The following HTT variants were observed in gnomAD, a reference collection of about 807,000 sequenced individuals.
The protein encoded by HTT is huntingtin, also known as huntington disease protein.
HTT carries 104 observed loss-of-function variants against 362.3 expected under a neutral mutation model. The observed-to-expected ratio is 0.29, with a 90% CI of 0.24 to 0.34. HTT has a LOEUF of 0.34. Ranked by LOEUF, HTT falls within the 10% of genes least tolerant of loss-of-function variation. The pLI, the probability that HTT is intolerant of heterozygous loss-of-function variation, is 1.00. For synonymous variants in HTT, 1,577 were observed against 1,548.7 expected (o/e 1.02, Z -0.43); for missense variants, 3,301 against 3,928.6 (o/e 0.84, Z 4.27).
At position 3,214,110 on chromosome 4, in the gene HTT, C is replaced by G; in HGVS notation, c.6927C>G (p.Tyr2309Ter). The G allele has an allele frequency of 2.6e-6, 4 of 1,550,472 alleles. No individual in the cohort carries two copies. Among genetic ancestry groups the G allele is most frequent in the Middle Eastern group, 3.4e-4 (2 of 5,870 alleles). Reference sequence around the variant, plus strand: ...TGACCCACGCCTGCTCCCTCATCTACTGTGTGCACTTCATCCTGGAGGCCG... The same window carrying G: ...TGACCCACGCCTGCTCCCTCATCTAGTGTGTGCACTTCATCCTGGAGGCCG... ...EFVTHACSLI[Y>*]CVHFILEAVA... The change falls in exon 50 of 67, where the codon TAC (tyrosine) becomes TAG (stop). Residue 2309 changes from tyrosine to a stop codon, truncating the protein, a stop_gained. Transcript: ENST00000355072. LOFTEE classifies it high-confidence loss of function.
intron 23 of HTT, among the ~76,000 whole-genome samples, chr4:3,143,161 G>C (rs1716427694): frequency 6.6e-6 from 1 of 152,086 alleles, no homozygotes; most frequent in Non-Finnish European, 1.5e-5. Context: ...AATAAGCCAG[G>C]CATGGTGGCT....
At chr4:3,221,194 T>C (rs976125539) in intron 53 of HTT, among the ~76,000 whole-genome samples, 1 of 152,142 alleles carries the variant, frequency 6.6e-6, no homozygotes, top group Non-Finnish European at 1.5e-5. Context: ...ATTTGAGGCT[T>C]GTTTGGATCC....
chr4:3,125,978 A>G (rs920441792), intron 11 of HTT, among the ~76,000 whole-genome samples: 2 of 152,142 alleles, frequency 1.3e-5, no homozygotes, highest in African/African-American at 4.8e-5. Context: ...AAATTATGGG[A>G]TGAAAAATTG....
chr4:3,214,282 C>A, intron 50 of HTT, 147 bp downstream of exon 50: 1 of 535,554 alleles, frequency 1.9e-6, no homozygotes, highest in Non-Finnish European at 2.9e-6. Flanking sequence ...AAGGGCTGGG[C>A]CCCATCTCTT....
chr4:3,107,179 G>A, intron 5 of HTT, 106 bp from the exon 6 acceptor site: 1 of 1,143,474 alleles, frequency 8.7e-7, no homozygotes, highest in Admixed American at 2.2e-5. Context: ...ATCCCATTAG[G>A]GACTGTTGGA....
At chr4:3,160,114 A>G (rs1417345552) in intron 28 of HTT, among the ~76,000 whole-genome samples, 168 bp from the exon 29 acceptor site, 1 of 152,194 alleles carries the variant, frequency 6.6e-6, no homozygotes, top group Non-Finnish European at 1.5e-5. Context: ...TTTCCAAAAT[A>G]TTTTTCCAGT....
rs532946133 is a variant in HTT at position 3,204,521 on chromosome 4, G to C, written c.5718+373G>C. ...AGTGCATTGACTGTAGTGGGGTTCT[G>C]ATTTTAAATTTTTTTAAAAATTAAT... On this transcript the variant is annotated intron_variant, in intron 42 of 66. Transcript: ENST00000355072. 1.2e-3 allele frequency among the ~76,000 whole-genome samples: 189 copies of C among 152,274 alleles called. 1 individual carries two copies. Among genetic ancestry groups the C allele is most frequent in the African/African-American group, 4.5e-3 (185 of 41,556 alleles).
At chr4:3,082,668 G>A (rs981603761) in intron 1 of HTT, among the ~76,000 whole-genome samples, 1 of 152,182 alleles carries the variant, frequency 6.6e-6, no homozygotes, top group African/African-American at 2.4e-5. Flanking sequence ...CTCCACTGTA[G>A]GTGCTTAGAC....
intron 6 of HTT, among the ~76,000 whole-genome samples, chr4:3,111,599 C>T (rs927950624): frequency 1.3e-5 from 2 of 152,158 alleles, no homozygotes; most frequent in African/African-American, 4.8e-5. Context: ...CTATGTTTAT[C>T]CTGCAACCGG....
At position 3,229,816 on chromosome 4, in the gene HTT, G is replaced by A. The variant is rs910860116; in HGVS notation, c.8110-71G>A. 100 of 1,516,930 alleles carry A rather than the reference G, an allele frequency of 6.6e-5. 1 individual carries two copies. The highest frequency in any genetic ancestry group is 9.6e-5 in the African/African-American group (7 of 73,040). The allele number at this position is 1,516,930 out of a possible 1,614,324, so 94.0% of individuals were successfully genotyped here. A position where few individuals can be genotyped will look rare whatever the true frequency, so the allele number is the denominator to read the frequency against. On this transcript the variant is annotated intron_variant, in intron 59 of 66. Coordinates refer to ENST00000355072, the MANE Select transcript of HTT (RefSeq NM_001388492.1). ...AAGAACACGACTTGCCAGTAGTAGC[G>A]TTCTGGATGCGTTGCCTGGATTCTA...
At chr4:3,195,903 C>G (rs962281509) in intron 40 of HTT, among the ~76,000 whole-genome samples, 3 of 152,146 alleles carry the variant, frequency 2.0e-5, no homozygotes, top group South Asian at 2.1e-4. Flanking sequence ...GACAGGCATG[C>G]CTTTGCTGGT....
rs370786198 is a variant in HTT, at chr4:3,134,536, T to C, written c.2629T>C (p.Phe877Leu). The C allele has an allele frequency of 2.5e-6, 4 of 1,611,908 alleles. No homozygotes were observed. The highest frequency in any genetic ancestry group is 2.2e-5 in the East Asian group (1 of 44,876). ...TCTGGAAACCCTTGCAGAGATTGACTTCAGGTAAGTGAGTCACATCCATTA... is the reference window on the plus strand; with the variant it reads ...TCTGGAAACCCTTGCAGAGATTGACCTCAGGTAAGTGAGTCACATCCATTA... ...ELLETLAEID[F>L]RLVSFLEAKA... Residue 877 changes from phenylalanine (F) to leucine (L), a missense_variant, in exon 19 of 67, where the codon TTC becomes CTC. Transcript: ENST00000355072.
At position 3,225,605 on chromosome 4, in the gene HTT, G is replaced by A. The variant is rs1276609664; in HGVS notation, c.7766-56G>A. 2.6e-6 allele frequency: 4 copies of A among 1,509,446 alleles called. No individual in the cohort carries two copies. The African/African-American group carries it at 4.1e-5, about 16-fold the overall frequency. 93.5% of individuals were successfully genotyped at this position (1,509,446 alleles called of 1,614,324 possible). A position where few individuals can be genotyped will look rare whatever the true frequency, so the allele number is the denominator to read the frequency against. On this transcript the variant is annotated intron_variant, in intron 56 of 66. Transcript: ENST00000355072. ...GCAGGAGCTGGGCTGGTATGGGGTGGGCCTGCGGCCCTGCCCCCCTGTGCA... is the reference window on the plus strand; with the variant it reads ...GCAGGAGCTGGGCTGGTATGGGGTGAGCCTGCGGCCCTGCCCCCCTGTGCA...
At chr4:3,237,049 C>T (rs1212885932) in intron 64 of HTT, among the ~76,000 whole-genome samples, 1 of 152,118 alleles carries the variant, frequency 6.6e-6, no homozygotes, top group Admixed American at 6.5e-5. Context: ...CAAGCCTGTG[C>T]TGGTCTGTTT....
chr4:3,172,448 C>CAA, intron 30 of HTT, 51 bp downstream of exon 30: 1 of 1,136,710 alleles, frequency 8.8e-7, no homozygotes, highest in Non-Finnish European at 1.3e-6. Flanking sequence ...GGTATGACAG[C>CAA]AAAACGCTGC....
intron 35 of HTT, 103 bp downstream of exon 35, chr4:3,178,549 C>T: frequency 2.1e-6 from 2 of 974,140 alleles, no homozygotes; most frequent in Admixed American, 4.0e-5. Flanking sequence ...CAGCCATGTG[C>T]TTCTCAGGCT....
intron 33 of HTT, among the ~76,000 whole-genome samples, chr4:3,175,882 C>T (rs1220828771): frequency 1.3e-5 from 2 of 152,086 alleles, no homozygotes; most frequent in South Asian, 2.1e-4. Context: ...TCCTTCTAGA[C>T]GTAAATCTGT....
chr4:3,194,173 TTTAAA>T (rs1719143486), intron 40 of HTT, among the ~76,000 whole-genome samples: 2 of 152,202 alleles, frequency 1.3e-5, no homozygotes. Flanking sequence ...AATGAAGACC[TTTAAA>T]TTTGTCCATT....
chr4:3,201,194 T>G (rs1719514972), intron 41 of HTT, among the ~76,000 whole-genome samples: 1 of 152,216 alleles, frequency 6.6e-6, no homozygotes, highest in South Asian at 2.1e-4. Context: ...AGTTTTCCTT[T>G]ATAACCTTCT....
Sources: allele counts gnomAD v4.1 joint callset (sites outside exome capture counted in the v4.1 genomes callset), GRCh38; gene constraint gnomAD v4.1.1; transcripts MANE v1.5; gene names NCBI Gene and HGNC (gene_info 2026-07-23, HGNC 2026-07-21).